Variants in NTRK3 observed in about 807,000 individuals in gnomAD.
The protein encoded by NTRK3 is NT-3 growth factor receptor.
NTRK3 carries 24 observed loss-of-function variants against 91.7 expected under a neutral mutation model. The ratio of observed to expected loss-of-function variants is 0.26; its 90% CI spans 0.19 to 0.37. NTRK3 has a LOEUF of 0.37. NTRK3 is among the 10% of genes least tolerant of loss of function. NTRK3 has a pLI of 1.00. For synonymous variants in NTRK3, 483 were observed against 404.0 expected (o/e 1.20, Z -2.34); for missense variants, 880 against 1,068.9 (o/e 0.82, Z 2.46).
At chr15:87,879,783 G>A (rs1426654801) in intron 18 of NTRK3, among the ~76,000 whole-genome samples, 4 of 151,844 alleles carry the variant, frequency 2.6e-5, no homozygotes, top group Non-Finnish European at 5.9e-5. Flanking sequence ...AAATAAACAC[G>A]GTTTATTTTA....
At chr15:88,025,590 A>C (rs1201478591) in intron 14 of NTRK3, among the ~76,000 whole-genome samples, 1 of 152,212 alleles carries the variant, frequency 6.6e-6, no homozygotes, top group Non-Finnish European at 1.5e-5. Flanking sequence ...AGGGATGCCA[A>C]AGATTCCCAG....
At chr15:88,080,742 C>T (rs1162891700) in intron 13 of NTRK3, among the ~76,000 whole-genome samples, 1 of 152,222 alleles carries the variant, frequency 6.6e-6, no homozygotes, top group Non-Finnish European at 1.5e-5. Flanking sequence ...GTCCAAACAA[C>T]TGAGGCTGGT....
intron 5 of NTRK3, among the ~76,000 whole-genome samples, chr15:88,163,809 C>T (rs1234416573): frequency 6.6e-6 from 1 of 152,162 alleles, no homozygotes; most frequent in Non-Finnish European, 1.5e-5. Flanking sequence ...ATCTATTATC[C>T]TGGAATTTCA....
Position 87,992,541 on chromosome 15 carries a change from A to G in NTRK3, c.1585+40316T>C, listed in dbSNP as rs146888571. Among the ~76,000 whole-genome samples the G allele has an allele frequency of 2.1e-3, 324 of 152,168 alleles. 3 individuals are homozygous for G. The highest frequency in any genetic ancestry group is 7.5e-3 in the African/African-American group (310 of 41,510). On this transcript the variant is annotated intron_variant, in intron 14 of 18. Coordinates refer to ENST00000394480, the Ensembl canonical transcript of NTRK3. ...GAAATGGTTCATGGATTTATTTTTC[A>G]TTTCTTAATAAGACTATTTGGAAAA...
chr15:87,920,705 G>C (rs2067793979), intron 17 of NTRK3, among the ~76,000 whole-genome samples: 1 of 152,146 alleles, frequency 6.6e-6, no homozygotes, highest in Admixed American at 6.6e-5. Context: ...GGTTTTGCAG[G>C]AGGGGGTCTT....
At chr15:87,929,542 A>ATTTCCCTT in intron 16 of NTRK3, 108 bp from the exon 17 acceptor site, 6 of 1,398,278 alleles carry the variant, frequency 4.3e-6, no homozygotes, top group Non-Finnish European at 5.7e-6. Context: ...AATAAATAAA[A>ATTTCCCTT]TTTCCCTTTC....
intron 13 of NTRK3, among the ~76,000 whole-genome samples, chr15:88,090,824 G>A (rs1441664221): frequency 6.6e-6 from 1 of 152,000 alleles, no homozygotes; most frequent in Non-Finnish European, 1.5e-5. Context: ...CACCCAGGCA[G>A]CAAGCAACTG....
chr15:87,885,486 A>G (rs1178530487), intron 17 of NTRK3, among the ~76,000 whole-genome samples: 1 of 151,968 alleles, frequency 6.6e-6, no homozygotes, highest in Non-Finnish European at 1.5e-5. Context: ...GAGTTACTCT[A>G]TCAGATAGCA....
At chr15:87,946,724 C>T (rs2070545378) in intron 14 of NTRK3, among the ~76,000 whole-genome samples, 1 of 152,156 alleles carries the variant, frequency 6.6e-6, no homozygotes. Context: ...CTTGTGGATT[C>T]CATCTCGCTC....
chr15:88,011,692 C>A (rs982663061), intron 14 of NTRK3, among the ~76,000 whole-genome samples: 3 of 152,150 alleles, frequency 2.0e-5, no homozygotes, highest in African/African-American at 7.2e-5. Flanking sequence ...CAATAGGACA[C>A]CAGCTTCTAC....
At chr15:87,974,102 G>T (rs951868214) in intron 14 of NTRK3, among the ~76,000 whole-genome samples, 1 of 152,142 alleles carries the variant, frequency 6.6e-6, no homozygotes, top group African/African-American at 2.4e-5. Flanking sequence ...TTGATCCTTT[G>T]CTCATGCCTG....
chr15:88,147,004 G>A (rs1458198694), intron 6 of NTRK3, among the ~76,000 whole-genome samples: 1 of 151,890 alleles, frequency 6.6e-6, no homozygotes, highest in East Asian at 1.9e-4. Flanking sequence ...AGTCTATAAA[G>A]TTATATATTA....
At chr15:88,227,498 C>T (rs2050775947) in intron 3 of NTRK3, among the ~76,000 whole-genome samples, 3 of 152,110 alleles carry the variant, frequency 2.0e-5, no homozygotes, top group Admixed American at 2.0e-4. Context: ...AAAAGAGAGA[C>T]ACCGGGGACA....
chr15:87,930,328 C>T (rs80023208), intron 16 of NTRK3, among the ~76,000 whole-genome samples: 3,574 of 152,276 alleles, frequency 0.023, 56 homozygotes, highest in Non-Finnish European at 0.034. Context: ...CCCAGTGAGC[C>T]GTAACCACAC....
intron 14 of NTRK3, among the ~76,000 whole-genome samples, chr15:87,973,594 C>T (rs1008693108): frequency 3.3e-5 from 5 of 152,136 alleles, no homozygotes; most frequent in African/African-American, 1.2e-4. Context: ...TCCAAGGAAT[C>T]TGGAGGCTGC....
intron 5 of NTRK3, among the ~76,000 whole-genome samples, chr15:88,165,126 G>A (rs1297399247): frequency 2.0e-4 from 30 of 152,216 alleles, no homozygotes; most frequent in Admixed American, 1.5e-3. Context: ...TTGAGACTTA[G>A]AGAAACAAGC....
Position 88,243,531 on chromosome 15 carries a change from AGCAT to A in NTRK3, c.248+12371_248+12374del, listed in dbSNP as rs2052557111. 1.1e-5 allele frequency among the ~76,000 whole-genome samples: 1 copy of A among 93,654 alleles called. No individual in the cohort carries two copies. The highest frequency in any genetic ancestry group is 4.1e-4 in the South Asian group (1 of 2,412). 61.4% of individuals were successfully genotyped at this position (93,654 alleles called of 152,430 possible). On this transcript the variant is annotated intron_variant, in intron 3 of 18. Coordinates refer to ENST00000394480, the Ensembl canonical transcript of NTRK3. The surrounding 1 kb of genome is among the most constrained non-coding windows in gnomAD (Gnocchi z 4.8). The stretch of plus-strand genomic sequence containing the variant: ...CTTCTCACTTGATCCCATCCCCCAT[AGCAT>A]GCACACACACACACACACACACACA...
At chr15:88,028,263 G>T (rs1361730791) in intron 14 of NTRK3, among the ~76,000 whole-genome samples, 4 of 152,206 alleles carry the variant, frequency 2.6e-5, no homozygotes, top group Non-Finnish European at 2.9e-5. Flanking sequence ...GTGAGCCCAT[G>T]AGGGTGGAGA....
intron 13 of NTRK3, among the ~76,000 whole-genome samples, chr15:88,073,387 T>A (rs1288076501): frequency 6.6e-6 from 1 of 152,024 alleles, no homozygotes; most frequent in Non-Finnish European, 1.5e-5. Context: ...TGGAAACTGG[T>A]GAGAAAGTCA....
Sources: allele counts gnomAD v4.1 joint callset (sites outside exome capture counted in the v4.1 genomes callset), GRCh38; gene constraint gnomAD v4.1.1; non-coding constraint Gnocchi (gnomAD v3.1); transcripts MANE v1.5; gene names NCBI Gene and HGNC (gene_info 2026-07-23, HGNC 2026-07-21).